PICALM: variants seen among roughly 807,000 people sequenced by gnomAD.
PICALM encodes phosphatidylinositol-binding clathrin assembly protein.
In PICALM, 40 loss-of-function variants were observed where a neutral mutation model predicts 80.5. The observed-to-expected ratio is 0.50, with a 90% CI of 0.39 to 0.65. The LOEUF (loss-of-function observed/expected upper bound fraction) is 0.65, where lower values mean the gene tolerates loss of function less well. PICALM is among the 30% of genes least tolerant of loss of function. The pLI is 0.00. For missense variants in PICALM, 676 were observed against 778.9 expected (o/e 0.87, Z 1.57); for synonymous variants, 288 against 260.3 (o/e 1.11, Z -1.02).
chr11:86,062,520 A>T (rs2137738403), intron 1 of PICALM, among the ~76,000 whole-genome samples: 1 of 149,774 alleles, frequency 6.7e-6, no homozygotes, highest in South Asian at 2.1e-4. Context: ...CTCCGTCTCA[A>T]AAAAAAAAAA....
intron 7 of PICALM, 46 bp from the exon 8 acceptor site, chr11:86,007,629 T>G (rs759140555): frequency 1.1e-6 from 1 of 894,880 alleles, no homozygotes; most frequent in Admixed American, 2.9e-5. Flanking sequence ...AAAAATATTT[T>G]ATAAATAAAA....
rs2095129245 is a variant in PICALM at position 86,001,054 on chromosome 11, G to T, written c.998C>A (p.Ala333Glu). The change falls in exon 10 of 20, where the codon GCA becomes GAA. Residue 333 changes from alanine to glutamate, a missense_variant. Ala to Glu is a moderately radical substitution (Grantham distance 107). This residue lies in a region of PICALM where 285 missense variants were observed against 395.4 expected (regional missense o/e 0.72). Coordinates refer to ENST00000393346, the MANE Select transcript of PICALM (RefSeq NM_007166.4). The stretch of plus-strand genomic sequence containing the variant: ...ACTTACCTTTAAAGCTTTCAAACGT[G>T]CCTGTTCTTCCTCTAATGCTGCCTG... ...EKQAALEEEQ[A>E]RLKALKEQRL... 1.9e-6 allele frequency: 3 copies of T among 1,613,962 alleles called. No individual in the cohort carries two copies. The highest frequency in any genetic ancestry group is 2.5e-6 in the Non-Finnish European group (3 of 1,179,974).
At chr11:86,024,837 T>C (rs902490506) in intron 3 of PICALM, among the ~76,000 whole-genome samples, 2 of 152,196 alleles carry the variant, frequency 1.3e-5, no homozygotes, top group African/African-American at 4.8e-5. Flanking sequence ...TACTTTCACA[T>C]TCATGTATTG....
chr11:86,046,370 A>G (rs1378552845), intron 1 of PICALM, among the ~76,000 whole-genome samples: 1 of 152,244 alleles, frequency 6.6e-6, no homozygotes, highest in African/African-American at 2.4e-5. Context: ...CTCAGTTTCC[A>G]TTTCAACATT....
At chr11:85,982,618 G>A (rs1446005248) in intron 14 of PICALM, among the ~76,000 whole-genome samples, 5 of 145,940 alleles carry the variant, frequency 3.4e-5, no homozygotes, top group Admixed American at 2.7e-4. Flanking sequence ...TAGTAGAGAC[G>A]GGGTTTCACC....
intron 2 of PICALM, among the ~76,000 whole-genome samples, chr11:86,028,544 A>G (rs1208485053): frequency 6.6e-6 from 1 of 152,202 alleles, no homozygotes; most frequent in African/African-American, 2.4e-5. Flanking sequence ...TTAATCATCT[A>G]TAACTTGTCA....
intron 12 of PICALM, 66 bp from the exon 13 acceptor site, chr11:85,990,465 G>C (rs2094731665): frequency 1.0e-6 from 1 of 962,306 alleles, no homozygotes; most frequent in African/African-American, 1.6e-5. Flanking sequence ...ATTGTAATTA[G>C]TCAAAAGATG....
intron 4 of PICALM, among the ~76,000 whole-genome samples, chr11:86,018,049 T>A (rs2095507739): frequency 6.6e-6 from 1 of 152,202 alleles, no homozygotes; most frequent in South Asian, 2.1e-4. Context: ...GTAATATTAT[T>A]TTTTAAAAGT....
At chr11:86,001,962 C>T (rs550902556) in intron 9 of PICALM, among the ~76,000 whole-genome samples, 39 of 152,236 alleles carry the variant, frequency 2.6e-4, no homozygotes, top group Non-Finnish European at 4.7e-4. Context: ...TTAGTTTCTA[C>T]TCTTAAGCAC....
chr11:85,983,985 A>T lies in PICALM; in HGVS notation c.1409-12T>A. 1 of 1,245,492 alleles carries T rather than the reference A, an allele frequency of 8.0e-7. No homozygotes were observed. Among genetic ancestry groups the T allele is most frequent in the East Asian group, 2.4e-5 (1 of 42,244 alleles). 77.2% of individuals were successfully genotyped at this position (1,245,492 alleles called of 1,614,324 possible). Reference sequence around the variant, plus strand: ...AGAAGGAGTGAATCCTGAGTAAACCAAAATGGAAAAAAGCTCAATTATTTA... The same window carrying T: ...AGAAGGAGTGAATCCTGAGTAAACCTAAATGGAAAAAAGCTCAATTATTTA... On this transcript the variant is annotated splice_polypyrimidine_tract_variant and intron_variant, in intron 13 of 19. Transcript: ENST00000393346.
chr11:85,966,143 G>T (rs1422161965), intron 19 of PICALM, among the ~76,000 whole-genome samples: 1 of 152,016 alleles, frequency 6.6e-6, no homozygotes, highest in Non-Finnish European at 1.5e-5. Flanking sequence ...TGTTTTAGGG[G>T]ATGCCACACA....
intron 1 of PICALM, among the ~76,000 whole-genome samples, chr11:86,057,157 T>C (rs990034358): frequency 6.6e-6 from 1 of 151,952 alleles, no homozygotes. Context: ...CTGAATTTTA[T>C]GTTATGTAGA....
In PICALM at chr11:86,019,123, T is replaced by C. The variant is rs377268991; in HGVS notation, c.452+3244A>G. On this transcript the variant is annotated intron_variant, in intron 4 of 19. Transcript: ENST00000393346. ...GTATTTTTCTTAAATTTTATTACTT[T>C]TGTAAACATAAAAAAAAATCTTAAT... is the stretch of plus-strand genomic sequence containing the variant. 1.1e-4 allele frequency among the ~76,000 whole-genome samples: 17 copies of C among 152,266 alleles called. No individual in the cohort carries two copies. In the East Asian group the frequency reaches 1.7e-3, roughly 16 times the overall value.
At chr11:85,961,844 T>C (rs1373944152) in intron 19 of PICALM, among the ~76,000 whole-genome samples, 1 of 146,332 alleles carries the variant, frequency 6.8e-6, no homozygotes, top group East Asian at 2.1e-4. Flanking sequence ...AGTGATTTCA[T>C]TTCTTTCTAC....
chr11:86,042,660 C>A (rs199842089), intron 1 of PICALM, among the ~76,000 whole-genome samples: 18 of 142,722 alleles, frequency 1.3e-4, no homozygotes, highest in Admixed American at 1.4e-4. Context: ...TCAGGACTCT[C>A]AAAAAAAAAA....
chr11:86,061,330 C>CA (rs58836221), intron 1 of PICALM, among the ~76,000 whole-genome samples: 4,640 of 80,614 alleles, frequency 0.058, 365 homozygotes, highest in Non-Finnish European at 0.073. Flanking sequence ...GACTCCATCT[C>CA]AAAAAAAAAA....
At chr11:85,989,849 C>A (rs889708553) in intron 13 of PICALM, among the ~76,000 whole-genome samples, 1 of 151,844 alleles carries the variant, frequency 6.6e-6, no homozygotes, top group African/African-American at 2.4e-5. Context: ...TGATTAACCA[C>A]CCTCTCTCCC....
chr11:86,030,224 A>G (rs1202040080), intron 2 of PICALM, among the ~76,000 whole-genome samples: 3 of 152,208 alleles, frequency 2.0e-5, no homozygotes, highest in African/African-American at 7.2e-5. Context: ...ATACTTTTGG[A>G]CAAGAACTAG....
At chr11:86,044,320 T>A (rs76566176) in intron 1 of PICALM, among the ~76,000 whole-genome samples, 7,705 of 152,240 alleles carry the variant, frequency 0.051, 326 homozygotes, top group African/African-American at 0.12. Context: ...CCTATGGAAC[T>A]GACCATCATG....
Sources: allele counts gnomAD v4.1 joint callset (sites outside exome capture counted in the v4.1 genomes callset), GRCh38; gene constraint gnomAD v4.1.1; regional missense constraint gnomAD v4.1.1; transcripts MANE v1.5; gene names NCBI Gene and HGNC (gene_info 2026-07-23, HGNC 2026-07-21).